The following STIM1 variants were observed in gnomAD, a reference collection of about 807,000 sequenced individuals.
STIM1 encodes the protein stromal interaction molecule 1.
A neutral mutation model predicts 74.7 loss-of-function variants in STIM1; 25 were observed. The observed-to-expected ratio is 0.33, with a 90% CI of 0.24 to 0.47. STIM1 has a LOEUF of 0.47. Ranked by LOEUF, STIM1 falls within the 20% of genes least tolerant of loss-of-function variation. STIM1 has a pLI of 1.00. For synonymous variants in STIM1, 328 were observed against 348.8 expected, an observed-to-expected ratio of 0.94 and a Z score of 0.66; for missense variants, 728 against 920.8, an observed-to-expected ratio of 0.79 and a Z score of 2.71.
intron 1 of STIM1, among the ~76,000 whole-genome samples, chr11:3,914,655 T>C (rs998759252): frequency 9.9e-5 from 15 of 152,150 alleles, no homozygotes; most frequent in African/African-American, 2.9e-4. Flanking sequence ...TTGGCCAGGA[T>C]GGTCTCAATC....
chr11:4,064,628 G>T (rs1020249081), intron 5 of STIM1, among the ~76,000 whole-genome samples: 1 of 152,118 alleles, frequency 6.6e-6, no homozygotes, highest in African/African-American at 2.4e-5. Flanking sequence ...TAGCCAAGAG[G>T]GTCTGCTGAG....
intron 5 of STIM1, among the ~76,000 whole-genome samples, chr11:4,061,679 A>G (rs2094331792): frequency 6.6e-6 from 1 of 152,224 alleles, no homozygotes; most frequent in African/African-American, 2.4e-5. Context: ...TACTCAAACA[A>G]GTACATGTAC....
intron 2 of STIM1, among the ~76,000 whole-genome samples, chr11:4,005,139 T>C (rs1241074662): frequency 6.6e-6 from 1 of 152,262 alleles, no homozygotes; most frequent in Non-Finnish European, 1.5e-5. Flanking sequence ...TTGGTGGGAC[T>C]GTAAACTAGT....
At chr11:3,891,882 T>C (rs2091906198) in intron 1 of STIM1, among the ~76,000 whole-genome samples, 1 of 152,240 alleles carries the variant, frequency 6.6e-6, no homozygotes, top group South Asian at 2.1e-4. Context: ...CCGCAAGTTG[T>C]AGCAGGAAAA....
At chr11:3,870,667 T>C (rs1187956630) in intron 1 of STIM1, among the ~76,000 whole-genome samples, 1 of 151,836 alleles carries the variant, frequency 6.6e-6, no homozygotes, top group Non-Finnish European at 1.5e-5. Context: ...TGGCTAGTTT[T>C]TATATTTTTT....
At chr11:4,013,067 A>G (rs1315254406) in intron 2 of STIM1, among the ~76,000 whole-genome samples, 2 of 152,218 alleles carry the variant, frequency 1.3e-5, no homozygotes, top group African/African-American at 4.8e-5. Context: ...GCATCCCAGG[A>G]TGAAGCCAAC....
At chr11:3,855,629 G>C (rs1224980882), upstream of STIM1, 2 of 132,952 alleles carry the variant, frequency 1.5e-5, no homozygotes, top group Non-Finnish European at 3.3e-5. Flanking sequence ...GCCCCCGCCC[G>C]CCCCGGGCCC....
chr11:3,867,398 C>T (rs973572321), intron 1 of STIM1: 2 of 152,240 alleles, frequency 1.3e-5, no homozygotes, highest in African/African-American at 4.8e-5. Flanking sequence ...CTTCTTGGGT[C>T]TTCCTGCTCC....
intron 12 of STIM1, among the ~76,000 whole-genome samples, chr11:4,090,555 T>C (rs2094518174): frequency 6.6e-6 from 1 of 152,220 alleles, no homozygotes. Flanking sequence ...TTTGCAAGGC[T>C]GTTCTAACCT....
At position 3,975,355 on chromosome 11, in the gene STIM1, G is replaced by A. The variant is rs185469577; in HGVS notation, c.270+7673G>A. ...CAGGCCAGGTGTGGTAGTGGCTCACGCCTGTAATCCCAACACTTTGGGAGG... is the reference window on the plus strand; with the variant it reads ...CAGGCCAGGTGTGGTAGTGGCTCACACCTGTAATCCCAACACTTTGGGAGG... On this transcript the variant is annotated intron_variant, in intron 2 of 12. Transcript: ENST00000526596. Among the ~76,000 whole-genome samples the A allele has an allele frequency of 3.3e-5, 5 of 152,346 alleles. No individual in the cohort carries two copies. The East Asian group carries it at 5.8e-4, about 18-fold the overall frequency.
intron 5 of STIM1, among the ~76,000 whole-genome samples, chr11:4,069,044 C>A (rs1475193180): frequency 6.6e-6 from 1 of 152,126 alleles, no homozygotes; most frequent in Non-Finnish European, 1.5e-5. Flanking sequence ...TCTCTGACTC[C>A]CACATCCAGG....
At chr11:3,947,105 T>G (rs1239566002) in intron 1 of STIM1, among the ~76,000 whole-genome samples, 1 of 151,954 alleles carries the variant, frequency 6.6e-6, no homozygotes, top group Non-Finnish European at 1.5e-5. Flanking sequence ...TTAGTGTTTT[T>G]TTTTTTTTTT....
intron 1 of STIM1, among the ~76,000 whole-genome samples, chr11:3,943,770 C>A (rs1590588953): frequency 6.6e-6 from 1 of 152,278 alleles, no homozygotes; most frequent in East Asian, 1.9e-4. Flanking sequence ...AAAAAATTAT[C>A]CTAGAATAGA....
chr11:4,032,786 G>C (rs2094062483), intron 3 of STIM1, among the ~76,000 whole-genome samples: 1 of 151,988 alleles, frequency 6.6e-6, no homozygotes, highest in Non-Finnish European at 1.5e-5. Context: ...GTTGTATATG[G>C]TATTTTTTAA....
intron 1 of STIM1, among the ~76,000 whole-genome samples, chr11:3,879,738 G>T (rs1336414931): frequency 6.6e-6 from 1 of 152,206 alleles, no homozygotes; most frequent in African/African-American, 2.4e-5. Context: ...AATTTTATCT[G>T]CAGGCTCTTC....
At chr11:4,013,622 G>A (rs553683433) in intron 2 of STIM1, among the ~76,000 whole-genome samples, 46 of 145,434 alleles carry the variant, frequency 3.2e-4, no homozygotes, top group African/African-American at 1.1e-3. Flanking sequence ...ATTTTTTATT[G>A]CATCTGTATG....
intron 2 of STIM1, chr11:4,019,103 C>A: frequency 5.7e-6 from 1 of 176,426 alleles, no homozygotes; most frequent in Admixed American, 5.3e-5. Flanking sequence ...ATATAGGTTT[C>A]ATTAAATTGG....
intron 3 of STIM1, among the ~76,000 whole-genome samples, chr11:4,048,835 G>A (rs1030655095): frequency 3.9e-5 from 6 of 152,152 alleles, no homozygotes; most frequent in Admixed American, 2.0e-4. Context: ...CCGAGTTCAA[G>A]CAATTCTCCT....
At chr11:3,982,514 A>G (rs574444397) in intron 2 of STIM1, among the ~76,000 whole-genome samples, 15 of 152,334 alleles carry the variant, frequency 9.8e-5, no homozygotes, top group Admixed American at 8.5e-4. Context: ...GCTATGATGT[A>G]CTAGGCTTGT....
Sources: gnomAD v4.1 joint callset for allele counts (sites outside exome capture counted in the v4.1 genomes callset) on GRCh38, gnomAD v4.1.1 for gene constraint, MANE v1.5 for transcripts, NCBI Gene and HGNC (gene_info 2026-07-23, HGNC 2026-07-21) for gene names.